PARD3B: variants seen among roughly 807,000 people sequenced by gnomAD.
The protein encoded by PARD3B is par-3 family cell polarity regulator beta.
A neutral mutation model predicts 130.2 loss-of-function variants in PARD3B; 103 were observed. The observed-to-expected ratio is 0.79, with a 90% CI of 0.67 to 0.93. The LOEUF is 0.93. PARD3B is among the 40% of genes least tolerant of loss of function. The probability of loss-of-function intolerance (pLI) is 0.00; values close to 1 mark genes in which losing one functional copy is unlikely to be tolerated. For missense variants in PARD3B, 1,609 were observed against 1,499.2 expected, an observed-to-expected ratio of 1.07 and a Z score of -1.21; for synonymous variants, 583 against 553.2, an observed-to-expected ratio of 1.05 and a Z score of -0.76.
At chr2:204,712,281 T>C (rs2038479670) in intron 2 of PARD3B, among the ~76,000 whole-genome samples, 1 of 152,184 alleles carries the variant, frequency 6.6e-6, no homozygotes, top group Non-Finnish European at 1.5e-5. Context: ...CATCAGAGCT[T>C]ACCATTTCCA....
chr2:205,018,007 C>T (rs910961100), intron 3 of PARD3B, among the ~76,000 whole-genome samples: 1 of 152,184 alleles, frequency 6.6e-6, no homozygotes, highest in Admixed American at 6.5e-5. Context: ...CTCAGGTATT[C>T]ATTCCTTAAA....
At chr2:204,778,333 T>C (rs1247983054) in intron 2 of PARD3B, among the ~76,000 whole-genome samples, 1 of 151,998 alleles carries the variant, frequency 6.6e-6, no homozygotes, top group Admixed American at 6.6e-5. Flanking sequence ...GTCACTTTTA[T>C]GTTTTAGGAA....
chr2:204,661,986 A>G (rs1190312284), intron 1 of PARD3B, among the ~76,000 whole-genome samples: 1 of 152,194 alleles, frequency 6.6e-6, no homozygotes, highest in East Asian at 1.9e-4. Context: ...CTTCTCTAAT[A>G]CTGTACTAAA....
intron 2 of PARD3B, among the ~76,000 whole-genome samples, chr2:204,821,119 A>G (rs1436591791): frequency 2.0e-5 from 3 of 152,178 alleles, no homozygotes; most frequent in African/African-American, 4.8e-5. Flanking sequence ...CATGTATGGT[A>G]ACTGATATGT....
chr2:205,090,155 A>C (rs1702015950), intron 4 of PARD3B, among the ~76,000 whole-genome samples: 1 of 152,170 alleles, frequency 6.6e-6, no homozygotes, highest in Non-Finnish European at 1.5e-5. Flanking sequence ...CAACCCTGGG[A>C]GTTCATTAAA....
intron 3 of PARD3B, among the ~76,000 whole-genome samples, chr2:205,036,625 C>A (rs971609287): frequency 1.4e-5 from 2 of 146,748 alleles, no homozygotes; most frequent in African/African-American, 5.0e-5. Flanking sequence ...ATATACACAG[C>A]GGACTGTATG....
intron 22 of PARD3B, among the ~76,000 whole-genome samples, chr2:205,598,285 T>G (rs1208907828): frequency 1.3e-5 from 2 of 151,346 alleles, no homozygotes; most frequent in Non-Finnish European, 2.9e-5. Context: ...ATCTTGCAAA[T>G]GGAAAACAGA....
Position 204,890,652 on chromosome 2 carries a change from A to G in PARD3B, c.223-74500A>G, listed in dbSNP as rs1338882125. Among the ~76,000 whole-genome samples the G allele has an allele frequency of 6.6e-6, 1 of 152,210 alleles. No homozygotes were observed. Among genetic ancestry groups the G allele is most frequent in the Non-Finnish European group, 1.5e-5 (1 of 68,032 alleles). Reference sequence around the variant, plus strand: ...AGCTGAAGAAAACCAGGAGAAAACCAGGACACATGCACAACGGTAAGTGTC... The same window carrying G: ...AGCTGAAGAAAACCAGGAGAAAACCGGGACACATGCACAACGGTAAGTGTC... On this transcript the variant is annotated intron_variant, in intron 2 of 22. Transcript: ENST00000406610. The surrounding 1 kb of genome is among the most constrained non-coding windows in gnomAD (Gnocchi z 4.9).
chr2:205,090,306 T>G (rs1291271546), intron 4 of PARD3B, among the ~76,000 whole-genome samples: 2 of 152,242 alleles, frequency 1.3e-5, no homozygotes, highest in Non-Finnish European at 2.9e-5. Context: ...AGATTTCCTC[T>G]TTTTCATTTG....
At chr2:204,635,553 A>G (rs893386190) in intron 1 of PARD3B, among the ~76,000 whole-genome samples, 8 of 152,158 alleles carry the variant, frequency 5.3e-5, no homozygotes, top group Admixed American at 4.6e-4. Flanking sequence ...TAAGAGAGGT[A>G]GAGCACTGTT....
chr2:204,577,433 C>T (rs759343546), intron 1 of PARD3B, among the ~76,000 whole-genome samples: 62 of 152,320 alleles, frequency 4.1e-4, no homozygotes, highest in Middle Eastern at 3.4e-3. Flanking sequence ...CGGCAGAGCC[C>T]GGTTCCAAGC....
intron 20 of PARD3B, among the ~76,000 whole-genome samples, chr2:205,455,238 A>G (rs573437748): frequency 5.9e-5 from 9 of 152,220 alleles, no homozygotes; most frequent in African/African-American, 2.2e-4. Flanking sequence ...TACCTACATC[A>G]GAGTGTTATT....
At chr2:204,634,769 G>C (rs2034811435) in intron 1 of PARD3B, among the ~76,000 whole-genome samples, 2 of 151,986 alleles carry the variant, frequency 1.3e-5, no homozygotes, top group Admixed American at 6.6e-5. Context: ...GCATAATATA[G>C]TTTTTTTCCC....
intron 21 of PARD3B, among the ~76,000 whole-genome samples, chr2:205,546,824 A>G (rs2052400338): frequency 6.6e-6 from 1 of 152,192 alleles, no homozygotes; most frequent in Non-Finnish European, 1.5e-5. Flanking sequence ...ATGAATTATG[A>G]TTTCTCCATA....
At chr2:205,239,290 C>G (rs936216355) in intron 15 of PARD3B, among the ~76,000 whole-genome samples, 2 of 152,058 alleles carry the variant, frequency 1.3e-5, no homozygotes, top group Non-Finnish European at 2.9e-5. Context: ...CCTCCCAGAT[C>G]AATTGATGCA....
intron 21 of PARD3B, among the ~76,000 whole-genome samples, chr2:205,546,919 A>C (rs1476675063): frequency 6.6e-6 from 1 of 152,222 alleles, no homozygotes; most frequent in Admixed American, 6.5e-5. Context: ...AACAGATGAG[A>C]AAACAGCTCT....
At position 205,523,231 on chromosome 2, in the gene PARD3B, ATATATATATATT is replaced by A. The variant is rs1559176233; in HGVS notation, c.3180+23212_3180+23223del. 4.2e-5 allele frequency among the ~76,000 whole-genome samples: 6 copies of A among 142,432 alleles called. No individual in the cohort carries two copies. In the East Asian group the frequency reaches 7.9e-4, roughly 19 times the overall value. 93.4% of individuals were successfully genotyped at this position (142,432 alleles called of 152,430 possible). A position where few individuals can be genotyped will look rare whatever the true frequency, so the allele number is the denominator to read the frequency against. ...TATATGTGTGTGTGTGTGTGTATAT[ATATATATATATT>A]TATATATATATATATTTTTGAGATG... On this transcript the variant is annotated intron_variant, in intron 21 of 22. Coordinates refer to ENST00000406610, the MANE Select transcript of PARD3B (RefSeq NM_001302769.2).
rs1315042608 is a variant in PARD3B, at chr2:205,589,042, C to T, written c.3261-26414C>T. The stretch of plus-strand genomic sequence containing the variant: ...GTGGCTCATGCCCATAATCCCAGCA[C>T]ACCAGGAGGCTGAGGCAGGTGGATC... On this transcript the variant is annotated intron_variant, in intron 22 of 22. Coordinates refer to ENST00000406610, the MANE Select transcript of PARD3B (RefSeq NM_001302769.2). This position sits in a 1 kb window ranked among gnomAD's most constrained non-coding sequence, Gnocchi z 4.1. Among the ~76,000 whole-genome samples the T allele has an allele frequency of 6.6e-6, 1 of 152,234 alleles. No individual in the cohort carries two copies. The highest frequency in any genetic ancestry group is 1.5e-5 in the Non-Finnish European group (1 of 68,050).
At chr2:205,102,506 ATGTTTGAGAGC>A (rs1234503600) in intron 4 of PARD3B, among the ~76,000 whole-genome samples, 15 of 152,074 alleles carry the variant, frequency 9.9e-5, no homozygotes, top group Non-Finnish European at 2.2e-4. Flanking sequence ...AATAATATGA[ATGTTTGAGAGC>A]TTTCAAAAAC....
Sources: allele counts gnomAD v4.1 joint callset (sites outside exome capture counted in the v4.1 genomes callset), GRCh38; gene constraint gnomAD v4.1.1; non-coding constraint Gnocchi (gnomAD v3.1); transcripts MANE v1.5; gene names NCBI Gene and HGNC (gene_info 2026-07-23, HGNC 2026-07-21).